TMX2: variants seen among roughly 807,000 people sequenced by gnomAD.
The protein encoded by TMX2 is thioredoxin-related transmembrane protein 2.
In TMX2, 20 loss-of-function variants were observed where a neutral mutation model predicts 33.4. The observed-to-expected ratio is 0.60, with a 90% CI of 0.42 to 0.87. The LOEUF is 0.87. Among genes scored for constraint, TMX2 ranks in the 40% least tolerant of loss-of-function variants. The pLI is 0.00. For synonymous variants in TMX2, 166 were observed against 140.7 expected (o/e 1.18, Z -1.27); for missense variants, 340 against 370.7 (o/e 0.92, Z 0.68).
At chr11:57,714,430 T>G (rs1030882870) in intron 1 of TMX2, among the ~76,000 whole-genome samples, 2 of 152,090 alleles carry the variant, frequency 1.3e-5, no homozygotes, top group African/African-American at 4.8e-5. Context: ...TTCTTTAGAG[T>G]CTGGAGGGCA....
chr11:57,727,923 A>G lies in TMX2; in HGVS notation c.190-9685A>G, dbSNP rs932812883. On this transcript the variant is annotated intron_variant, in intron 1 of 7. Transcript: ENST00000278422. The stretch of plus-strand genomic sequence containing the variant: ...CCAGGTCTTTAGACAAACTCAACCA[A>G]TTGTCTGCCAGAAAATGTTTAAATT... 4.6e-5 allele frequency among the ~76,000 whole-genome samples: 7 copies of G among 152,076 alleles called. No individual in the cohort carries two copies. In the South Asian group the frequency reaches 6.2e-4, roughly 14 times the overall value.
At chr11:57,722,010 G>A (rs1465619865) in intron 1 of TMX2, among the ~76,000 whole-genome samples, 1 of 151,950 alleles carries the variant, frequency 6.6e-6, no homozygotes, top group African/African-American at 2.4e-5. Flanking sequence ...AAAAATTGAG[G>A]GGGGAGACAG....
intron 1 of TMX2, among the ~76,000 whole-genome samples, chr11:57,736,051 G>C (rs1049517265): frequency 2.0e-5 from 3 of 151,858 alleles, no homozygotes; most frequent in African/African-American, 7.3e-5. Context: ...TGAAGGAGGG[G>C]GTATAAAGAG....
chr11:57,738,664 G>A lies in TMX2; in HGVS notation c.442G>A (p.Glu148Lys). The change falls in exon 5 of 8, where the codon GAG (glutamate) becomes AAG (lysine). Residue 148 changes from glutamate (E) to lysine (K), a missense_variant and splice_region_variant. Glu to Lys is a moderately conservative substitution (Grantham distance 56). Around this residue, in one of 3 missense-constraint regions of TMX2, gnomAD observed 209 missense variants for 241.6 expected, o/e 0.87. Transcript: ENST00000278422. Reference sequence around the variant, plus strand: ...GACTTTTCTTCCCTGTATTTGGCAGGAGGAACTAGAACGGGACAAGAGGGT... The same window carrying A: ...GACTTTTCTTCCCTGTATTTGGCAGAAGGAACTAGAACGGGACAAGAGGGT... Reference protein sequence around the residue: ...IKYFNDKTIDEELERDKRVTW... With the variant: ...IKYFNDKTIDKELERDKRVTW... The A allele has an allele frequency of 6.2e-7, 1 of 1,613,574 alleles. No homozygotes were observed. The highest frequency in any genetic ancestry group is 2.2e-5 in the East Asian group (1 of 44,882).
In TMX2 at chr11:57,740,285, A is replaced by G. The variant is rs780685606; in HGVS notation, c.*40A>G. On this transcript the variant is annotated 3_prime_UTR_variant, in exon 8 of 8. Transcript: ENST00000278422. ...CAGTGCTTCCTCTCCTGTCAATTCC[A>G]GGCTCTTTCCATAACCACAAGCCTG... is the stretch of plus-strand genomic sequence containing the variant. 8 of 1,538,690 alleles carry G rather than the reference A, an allele frequency of 5.2e-6. No individual in the cohort carries two copies. Among genetic ancestry groups the G allele is most frequent in the Middle Eastern group, 1.7e-4 (1 of 5,726 alleles).
chr11:57,726,211 G>A (rs1480691850), intron 1 of TMX2, among the ~76,000 whole-genome samples: 3 of 151,872 alleles, frequency 2.0e-5, no homozygotes, highest in East Asian at 1.9e-4. Flanking sequence ...TCAGGAGTTC[G>A]AGACCACCCT....
chr11:57,720,077 T>C (rs1450973096), intron 1 of TMX2, among the ~76,000 whole-genome samples: 2 of 147,140 alleles, frequency 1.4e-5, no homozygotes, highest in Non-Finnish European at 3.0e-5. Context: ...TTACCTGAGG[T>C]CAGAAGTTTA....
intron 7 of TMX2, 131 bp from the exon 8 acceptor site, chr11:57,739,968 A>C: frequency 8.1e-7 from 1 of 1,238,416 alleles, no homozygotes; most frequent in Non-Finnish European, 1.1e-6. Context: ...AAAAAGAGGA[A>C]GGTTAGGGAA....
At chr11:57,717,835 T>C (rs1391013227) in intron 1 of TMX2, among the ~76,000 whole-genome samples, 1 of 152,090 alleles carries the variant, frequency 6.6e-6, no homozygotes, top group Non-Finnish European at 1.5e-5. Context: ...GTTGTTGTTA[T>C]TTAGTTTTTA....
At chr11:57,720,379 G>A (rs1402970584) in intron 1 of TMX2, among the ~76,000 whole-genome samples, 3 of 152,222 alleles carry the variant, frequency 2.0e-5, no homozygotes, top group Non-Finnish European at 4.4e-5. Context: ...AAAGTCAGGA[G>A]TCAACAAATG....
Position 57,738,729 on chromosome 11 carries a change from C to T in TMX2, c.507C>T (p.Asp169=). ...AGTTCTTTGCCAATTGGTCTAATGA[C>T]TGCCAATCATTTGCCCCTATCTATG... ...IVEFFANWSN[D]CQSFAPIYAD... The change falls in exon 5 of 8, where the codon GAC becomes GAT. Residue 169 remains aspartate, a synonymous_variant. Coordinates refer to ENST00000278422, the MANE Select transcript of TMX2 (RefSeq NM_015959.4). 1 of 1,614,142 alleles carries T rather than the reference C, an allele frequency of 6.2e-7. No individual in the cohort carries two copies. The highest frequency in any genetic ancestry group is 1.1e-5 in the South Asian group (1 of 91,082).
intron 1 of TMX2, among the ~76,000 whole-genome samples, chr11:57,719,531 T>TTG: frequency 7.1e-6 from 1 of 141,104 alleles, no homozygotes; most frequent in African/African-American, 2.6e-5. Flanking sequence ...TTTTTTTTTT[T>TTG]TTTTTTTGAG....
At chr11:57,730,747 A>G (rs1374922542) in intron 1 of TMX2, among the ~76,000 whole-genome samples, 2 of 152,172 alleles carry the variant, frequency 1.3e-5, no homozygotes, top group Non-Finnish European at 2.9e-5. Flanking sequence ...AAAGAAAAAC[A>G]AAAAACCAAG....
chr11:57,737,685 T>A lies in TMX2; in HGVS notation c.250+17T>A. On this transcript the variant is annotated intron_variant, in intron 2 of 7. Transcript: ENST00000278422. ...GCAGATCCAGTAAGTTTAGTTCACT[T>A]CTCAGACTCAAGGTTAGATCTAATG... The A allele has an allele frequency of 6.2e-7, 1 of 1,612,372 alleles. No individual in the cohort carries two copies. Among genetic ancestry groups the A allele is most frequent in the South Asian group, 1.1e-5 (1 of 91,044 alleles).
At chr11:57,717,767 C>G (rs536612895) in intron 1 of TMX2, among the ~76,000 whole-genome samples, 3 of 130,166 alleles carry the variant, frequency 2.3e-5, no homozygotes, top group African/African-American at 6.1e-5. Context: ...GAGGCAGAGG[C>G]AGAGGCAGAG....
rs554546413 is a variant in TMX2, at chr11:57,717,035, C to T, written c.189+4228C>T. ...CTCACCTCCCAGACGGGGTCGCGGC[C>T]GGGCAGAGGCGCTCCTCACATCCCG... On this transcript the variant is annotated intron_variant, in intron 1 of 7. Transcript: ENST00000278422. 5.5e-3 allele frequency among the ~76,000 whole-genome samples: 803 copies of T among 145,586 alleles called. 12 individuals are homozygous for T. Among genetic ancestry groups the T allele is most frequent in the African/African-American group, 0.021 (767 of 37,402 alleles).
rs1197685429 is a variant in TMX2 at position 57,738,787 on chromosome 11, G to A, written c.548+17G>A. The A allele has an allele frequency of 6.2e-7, 1 of 1,603,486 alleles. No individual in the cohort carries two copies. The highest frequency in any genetic ancestry group is 1.3e-5 in the African/African-American group (1 of 74,708). On this transcript the variant is annotated intron_variant, in intron 5 of 7. Coordinates refer to ENST00000278422, the MANE Select transcript of TMX2 (RefSeq NM_015959.4). ...CTCCCTTAAGTGAGTAGTGCAAAGG[G>A]AGGGATGGTGGAAATGGAGATGCTG...
intron 1 of TMX2, among the ~76,000 whole-genome samples, chr11:57,719,829 A>C (rs557272187): frequency 6.6e-6 from 1 of 152,092 alleles, no homozygotes; most frequent in African/African-American, 2.4e-5. Flanking sequence ...TGAAAATGTA[A>C]AATTTCATTA....
In TMX2 at chr11:57,740,500, C is replaced by T; in HGVS notation, c.*255C>T. ...GACGGAGGGGGAAATGGTTTCCCTCCAAGCTTGGGTCAGTGTGTTAACTGC... is the reference window on the plus strand; with the variant it reads ...GACGGAGGGGGAAATGGTTTCCCTCTAAGCTTGGGTCAGTGTGTTAACTGC... On this transcript the variant is annotated 3_prime_UTR_variant, in exon 8 of 8. Coordinates refer to ENST00000278422, the MANE Select transcript of TMX2 (RefSeq NM_015959.4). 2 of 419,184 alleles carry T rather than the reference C, an allele frequency of 4.8e-6. No homozygotes were observed. Among genetic ancestry groups the T allele is most frequent in the Admixed American group, 4.2e-5 (1 of 24,034 alleles). 26.0% of individuals were successfully genotyped at this position (419,184 alleles called of 1,614,324 possible).
Sources: gnomAD v4.1 joint callset for allele counts (sites outside exome capture counted in the v4.1 genomes callset) on GRCh38, gnomAD v4.1.1 for gene constraint, gnomAD v4.1.1 regional missense constraint, MANE v1.5 for transcripts, NCBI Gene and HGNC (gene_info 2026-07-23, HGNC 2026-07-21) for gene names.